PAM: variants seen among roughly 807,000 people sequenced by gnomAD.
PAM encodes the protein peptidyl-glycine alpha-amidating monooxygenase.
Under a neutral mutation model 122.1 loss-of-function variants are expected in PAM, and 72 were observed. The observed-to-expected ratio is 0.59, with a 90% CI of 0.49 to 0.72. The LOEUF is 0.72. Among genes scored for constraint, PAM ranks in the 30% least tolerant of loss-of-function variants. The pLI is 0.00. For synonymous variants in PAM, 389 were observed against 404.4 expected (o/e 0.96, Z 0.46); for missense variants, 1,106 against 1,183.7 (o/e 0.93, Z 0.96).
At chr5:102,835,233 ACGTACCC>A (rs1458672353) in intron 1 of PAM, among the ~76,000 whole-genome samples, 1 of 152,120 alleles carries the variant, frequency 6.6e-6, no homozygotes, top group Non-Finnish European at 1.5e-5. Flanking sequence ...GGTTTATAAG[ACGTACCC>A]AGAGTCATGT....
At chr5:102,967,748 C>T (rs1410151131) in intron 14 of PAM, among the ~76,000 whole-genome samples, 2 of 134,904 alleles carry the variant, frequency 1.5e-5, no homozygotes, top group East Asian at 4.6e-4. Context: ...TGGAGTCTTG[C>T]ACTGTCGCCC....
At chr5:102,953,391 G>A (rs1017309033) in intron 12 of PAM, among the ~76,000 whole-genome samples, 1 of 152,104 alleles carries the variant, frequency 6.6e-6, no homozygotes, top group Admixed American at 6.6e-5. Flanking sequence ...GGAGGGGGGG[G>A]AATCCTGTCA....
chr5:102,880,947 A>G (rs1026466893), intron 3 of PAM, among the ~76,000 whole-genome samples: 5 of 152,092 alleles, frequency 3.3e-5, no homozygotes, highest in Non-Finnish European at 5.9e-5. Flanking sequence ...TAAAAGTTAG[A>G]AAAGATAAAA....
chr5:102,799,219 G>A (rs1764092828), intron 1 of PAM, among the ~76,000 whole-genome samples: 1 of 152,130 alleles, frequency 6.6e-6, no homozygotes, highest in Non-Finnish European at 1.5e-5. Context: ...CAAACAGGAT[G>A]CTTTGCACTA....
At chr5:103,023,587 G>C (rs933727644) in intron 23 of PAM, among the ~76,000 whole-genome samples, 2 of 151,498 alleles carry the variant, frequency 1.3e-5, no homozygotes, top group African/African-American at 4.8e-5. Flanking sequence ...ACATAGAAAA[G>C]TTATATTTGA....
At chr5:102,923,399 A>G (rs1483461599) in intron 5 of PAM, among the ~76,000 whole-genome samples, 1 of 151,900 alleles carries the variant, frequency 6.6e-6, no homozygotes, top group Non-Finnish European at 1.5e-5. Context: ...GGCAGTGTAC[A>G]TTTTTTTCTG....
rs7717595 is a variant in PAM, at chr5:102,850,723, G to A, written c.-373-15100G>A. Among the ~76,000 whole-genome samples, 825 of 152,274 alleles carry A rather than the reference G, an allele frequency of 5.4e-3. 8 individuals are homozygous for A. The highest frequency in any genetic ancestry group is 0.018 in the African/African-American group (746 of 41,544). ...TTCCCCACCAAGCGCGGGTAGTCGAGGGGGCGGCTGGCGGGGTGGTGGTAC... is the reference window on the plus strand; with the variant it reads ...TTCCCCACCAAGCGCGGGTAGTCGAAGGGGCGGCTGGCGGGGTGGTGGTAC... On this transcript the variant is annotated intron_variant, in intron 1 of 25. Coordinates refer to ENST00000438793, the MANE Select transcript of PAM (RefSeq NM_001177306.2).
chr5:103,014,686 T>G (rs1485772229), intron 21 of PAM, among the ~76,000 whole-genome samples: 2 of 152,194 alleles, frequency 1.3e-5, no homozygotes, highest in Admixed American at 1.3e-4. Context: ...TTCTCCATCT[T>G]CTACTATTAC....
At chr5:102,774,832 T>C (rs2149796481) in intron 1 of PAM, among the ~76,000 whole-genome samples, 1 of 152,122 alleles carries the variant, frequency 6.6e-6, no homozygotes, top group East Asian at 1.9e-4. Context: ...ATACTTAATG[T>C]TTTAATTTTT....
intron 15 of PAM, among the ~76,000 whole-genome samples, chr5:102,976,547 C>T (rs1437094022): frequency 6.7e-6 from 1 of 148,236 alleles, no homozygotes; most frequent in African/African-American, 2.7e-5. Flanking sequence ...CTTTCATACC[C>T]TTCTCCAGGC....
chr5:103,013,351 T>G (rs1055245548), intron 21 of PAM, among the ~76,000 whole-genome samples: 1 of 152,216 alleles, frequency 6.6e-6, no homozygotes. Context: ...CATTTTCTAT[T>G]TCTTTTTCAG....
At chr5:102,835,070 T>C (rs1009087882) in intron 1 of PAM, among the ~76,000 whole-genome samples, 1 of 152,142 alleles carries the variant, frequency 6.6e-6, no homozygotes, top group African/African-American at 2.4e-5. Flanking sequence ...AAAAGTCAAT[T>C]ACATGTTTCA....
chr5:103,007,284 T>C (rs1779316388), intron 19 of PAM, among the ~76,000 whole-genome samples, 173 bp from the exon 20 acceptor site: 1 of 151,922 alleles, frequency 6.6e-6, no homozygotes, highest in Non-Finnish European at 1.5e-5. Flanking sequence ...AAATCTGTAA[T>C]GTATTTGTGG....
chr5:102,970,463 G>T (rs1374663839), intron 14 of PAM, among the ~76,000 whole-genome samples: 1 of 152,124 alleles, frequency 6.6e-6, no homozygotes, highest in Non-Finnish European at 1.5e-5. Flanking sequence ...TGAAGGATAT[G>T]TTATGTTAGA....
chr5:102,755,750 A>G (rs1391937394), intron 1 of PAM, among the ~76,000 whole-genome samples: 21 of 151,634 alleles, frequency 1.4e-4, no homozygotes, highest in Admixed American at 1.3e-3. Flanking sequence ...ACTCTCCGTG[A>G]CGCCTAGAAA....
At chr5:103,015,043 A>G (rs1384879548) in intron 21 of PAM, among the ~76,000 whole-genome samples, 1 of 152,208 alleles carries the variant, frequency 6.6e-6, no homozygotes, top group Non-Finnish European at 1.5e-5. Flanking sequence ...CTTCACAGTG[A>G]TGATTAAAAT....
chr5:103,002,775 G>A (rs997547480), intron 16 of PAM, among the ~76,000 whole-genome samples: 40 of 152,130 alleles, frequency 2.6e-4, no homozygotes, highest in African/African-American at 9.7e-4. Context: ...TTGTGAAAAT[G>A]CAGATTCAGG....
intron 1 of PAM, among the ~76,000 whole-genome samples, chr5:102,779,879 CCATATA>C (rs1479667851): frequency 5.8e-5 from 4 of 69,050 alleles, no homozygotes; most frequent in African/African-American, 2.8e-4. Context: ...TAATAAACTC[CCATATA>C]CATATATATA....
At chr5:102,912,295 A>T (rs959976149) in intron 4 of PAM, among the ~76,000 whole-genome samples, 3 of 151,970 alleles carry the variant, frequency 2.0e-5, no homozygotes, top group African/African-American at 4.8e-5. Flanking sequence ...ATATTTTTTT[A>T]AAAACGTGGG....
Sources: allele counts gnomAD v4.1 joint callset (sites outside exome capture counted in the v4.1 genomes callset), GRCh38; gene constraint gnomAD v4.1.1; transcripts MANE v1.5; gene names NCBI Gene and HGNC (gene_info 2026-07-23, HGNC 2026-07-21).